Variants in EYS observed in about 807,000 individuals in gnomAD.
EYS encodes the protein protein eyes shut homolog.
Under a neutral mutation model 282.1 loss-of-function variants are expected in EYS, and 250 were observed. The ratio of observed to expected loss-of-function variants is 0.89; its 90% confidence interval spans 0.80 to 0.98. The LOEUF (loss-of-function observed/expected upper bound fraction) is 0.98. Among genes scored for constraint, EYS ranks in the 50% least tolerant of loss-of-function variants. The pLI is 0.00. For synonymous variants in EYS, 1,355 were observed against 1,282.9 expected (o/e 1.06, Z -1.20); for missense variants, 4,016 against 3,709.0 (o/e 1.08, Z -2.15).
intron 30 of EYS, among the ~76,000 whole-genome samples, chr6:64,232,207 C>A (rs1421155267): frequency 6.6e-6 from 1 of 152,094 alleles, no homozygotes; most frequent in East Asian, 1.9e-4. Flanking sequence ...TTGAGCCTGA[C>A]CTGCTTTTCT....
At chr6:64,677,733 AT>A (rs941276760) in intron 22 of EYS, among the ~76,000 whole-genome samples, 237 of 152,234 alleles carry the variant, frequency 1.6e-3, no homozygotes, top group African/African-American at 5.3e-3. Flanking sequence ...TTAGTTATAA[AT>A]TTTAAAAAAA....
chr6:65,342,099 T>G (rs1051741093), intron 10 of EYS, among the ~76,000 whole-genome samples: 1 of 151,164 alleles, frequency 6.6e-6, no homozygotes, highest in Non-Finnish European at 1.5e-5. Flanking sequence ...AAAGTTCTGA[T>G]TTTTCAAAAT....
chr6:64,123,088 A>G (rs1773644846), intron 31 of EYS, among the ~76,000 whole-genome samples: 1 of 152,188 alleles, frequency 6.6e-6, no homozygotes, highest in African/African-American at 2.4e-5. Context: ...CTGGTAGCAT[A>G]TGCTTTTTGA....
intron 11 of EYS, among the ~76,000 whole-genome samples, chr6:65,301,451 G>C (rs1281912015): frequency 6.6e-6 from 1 of 152,228 alleles, no homozygotes; most frequent in East Asian, 1.9e-4. Context: ...GCAGCCTGTA[G>C]CCGGGCGCCA....
intron 16 of EYS, among the ~76,000 whole-genome samples, chr6:64,909,204 T>C (rs1430155167): frequency 6.6e-6 from 1 of 152,176 alleles, no homozygotes; most frequent in East Asian, 1.9e-4. Context: ...AGTATGTTTG[T>C]TGAATCAGTT....
intron 13 of EYS, among the ~76,000 whole-genome samples, chr6:65,011,438 T>G (rs1012378802): frequency 6.6e-6 from 1 of 152,138 alleles, no homozygotes. Context: ...GAGCCCCAAA[T>G]GCAGTCCATG....
At chr6:64,923,389 CAT>C (rs1768415076) in intron 15 of EYS, among the ~76,000 whole-genome samples, 1 of 152,154 alleles carries the variant, frequency 6.6e-6, no homozygotes, top group Non-Finnish European at 1.5e-5. Context: ...CCTTCCATAA[CAT>C]GTGGGAATTC....
chr6:65,205,971 C>G (rs1240469499), intron 12 of EYS, among the ~76,000 whole-genome samples: 1 of 151,630 alleles, frequency 6.6e-6, no homozygotes, highest in African/African-American at 2.4e-5. Flanking sequence ...TGTCACATCT[C>G]AAGGAACTAG....
chr6:64,587,453 G>T (rs1268355648), intron 26 of EYS, among the ~76,000 whole-genome samples: 1 of 151,968 alleles, frequency 6.6e-6, no homozygotes, highest in Non-Finnish European at 1.5e-5. Context: ...TTTTTGCATT[G>T]TAGAACATTA....
chr6:64,099,061 A>G (rs566966899), intron 31 of EYS, among the ~76,000 whole-genome samples: 68 of 152,334 alleles, frequency 4.5e-4, no homozygotes, highest in African/African-American at 1.6e-3. Flanking sequence ...GAGATATTCT[A>G]ATGCCTCAAT....
intron 33 of EYS, among the ~76,000 whole-genome samples, chr6:64,023,249 A>T (rs1769278220): frequency 6.6e-6 from 1 of 152,170 alleles, no homozygotes. Context: ...TTTAAAATCT[A>T]TTTCTCTGTT....
chr6:65,039,495 CAT>C (rs1279152299), intron 13 of EYS, among the ~76,000 whole-genome samples: 1 of 151,248 alleles, frequency 6.6e-6, no homozygotes, highest in Admixed American at 6.6e-5. Flanking sequence ...TCTTAAAACA[CAT>C]GTCAATTTTT....
At chr6:63,830,248 C>T (rs189360425) in intron 36 of EYS, among the ~76,000 whole-genome samples, 128 of 152,202 alleles carry the variant, frequency 8.4e-4, no homozygotes, top group African/African-American at 2.7e-3. Flanking sequence ...AGGCTTCAGA[C>T]GATTGCTATT....
At chr6:64,193,739 G>C (rs1765189599) in intron 31 of EYS, among the ~76,000 whole-genome samples, 1 of 152,110 alleles carries the variant, frequency 6.6e-6, no homozygotes, top group African/African-American at 2.4e-5. Context: ...CTGTGAATGA[G>C]AACATGTGGT....
Position 64,250,900 on chromosome 6 carries a change from A to C in EYS, c.6192-20076T>G, listed in dbSNP as rs1363291272. On this transcript the variant is annotated intron_variant, in intron 30 of 42. Coordinates refer to ENST00000503581, the MANE Select transcript of EYS (RefSeq NM_001142800.2). ...TTTTATGCAAATCCTGGAATAAAAA[A>C]GAACATTAAATTATTTGTATAGTTT... is the stretch of plus-strand genomic sequence containing the variant. 2.6e-5 allele frequency among the ~76,000 whole-genome samples: 4 copies of C among 152,340 alleles called. No individual in the cohort carries two copies. The East Asian group carries it at 5.8e-4, about 22-fold the overall frequency.
intron 22 of EYS, among the ~76,000 whole-genome samples, chr6:64,757,853 CG>C (rs1180081339): frequency 6.6e-6 from 1 of 151,864 alleles, no homozygotes; most frequent in Non-Finnish European, 1.5e-5. Flanking sequence ...GGCGCGATCT[CG>C]GCTCACTGCA....
intron 11 of EYS, chr6:65,332,508 T>G (rs1316302585): frequency 4.0e-5 from 43 of 1,081,858 alleles, no homozygotes; most frequent in Non-Finnish European, 5.7e-5. Flanking sequence ...ATTCAGAGTA[T>G]ATACAATTTT....
intron 26 of EYS, among the ~76,000 whole-genome samples, chr6:64,477,489 C>T (rs1046283402): frequency 6.6e-6 from 1 of 152,116 alleles, no homozygotes; most frequent in African/African-American, 2.4e-5. Context: ...CTGCCTCATC[C>T]TGTCTGACGT....
Position 63,984,363 on chromosome 6 carries a change from A to G in EYS, c.7055+20T>C, listed in dbSNP as rs1008346163. The G allele has an allele frequency of 1.9e-5, 29 of 1,504,644 alleles. 1 individual carries two copies. In the East Asian group the frequency reaches 6.9e-4, roughly 36 times the overall value. 93.2% of individuals were successfully genotyped at this position (1,504,644 alleles called of 1,614,324 possible). ...TGGAGTCATGTAACGTAGGTTGGGA[A>G]TCAGGAGACTAATACTGACCTGATG... On this transcript the variant is annotated intron_variant, in intron 35 of 42. Transcript: ENST00000503581.
Sources: gnomAD v4.1 joint callset for allele counts (sites outside exome capture counted in the v4.1 genomes callset) on GRCh38, gnomAD v4.1.1 for gene constraint, MANE v1.5 for transcripts, NCBI Gene and HGNC (gene_info 2026-07-23, HGNC 2026-07-21) for gene names.